The following CLDN10 variants were observed in gnomAD, a reference collection of about 807,000 sequenced individuals.
CLDN10 encodes the protein claudin 10.
A neutral mutation model predicts 22.9 loss-of-function variants in CLDN10; 15 were observed. The observed-to-expected ratio is 0.65, with a 90% CI of 0.44 to 1.01. The LOEUF (loss-of-function observed/expected upper bound fraction) is 1.01, where lower values mean the gene tolerates loss of function less well. Ranked by LOEUF, CLDN10 falls within the 50% of genes least tolerant of loss-of-function variation. The probability of loss-of-function intolerance (pLI) is 0.00; values close to 1 mark genes in which losing one functional copy is unlikely to be tolerated. For synonymous variants in CLDN10, 114 were observed against 111.4 expected (o/e 1.02, Z -0.15); for missense variants, 247 against 287.8 (o/e 0.86, Z 1.03).
intron 1 of CLDN10, among the ~76,000 whole-genome samples, chr13:95,469,104 T>C (rs1486535830): frequency 6.6e-6 from 1 of 151,698 alleles, no homozygotes; most frequent in East Asian, 1.9e-4. Context: ...TACAGTTTTT[T>C]GGTTTTGTTT....
At chr13:95,471,892 AG>A (rs1166409087) in intron 1 of CLDN10, among the ~76,000 whole-genome samples, 1 of 149,924 alleles carries the variant, frequency 6.7e-6, no homozygotes, top group Non-Finnish European at 1.5e-5. Flanking sequence ...TTCCCGCCTC[AG>A]CCTCCCAAGT....
intron 1 of CLDN10, among the ~76,000 whole-genome samples, chr13:95,462,289 CA>C (rs2042543263): frequency 6.6e-6 from 1 of 152,124 alleles, no homozygotes; most frequent in African/African-American, 2.4e-5. Context: ...CCTTTTTAAA[CA>C]TTGCCTTTCA....
chr13:95,576,792 C>T (rs1051353292), intron 3 of CLDN10, among the ~76,000 whole-genome samples: 7 of 152,176 alleles, frequency 4.6e-5, no homozygotes, highest in East Asian at 1.9e-4. Flanking sequence ...GCACATAGCA[C>T]GTGCTTAATA....
upstream of CLDN10, chr13:95,552,638 G>A: frequency 7.7e-7 from 1 of 1,291,272 alleles, no homozygotes; most frequent in Non-Finnish European, 1.0e-6. Flanking sequence ...TGGGCGGGGT[G>A]GTGGGCGGGG....
intron 1 of CLDN10, among the ~76,000 whole-genome samples, chr13:95,493,241 C>T (rs1056655965): frequency 2.6e-5 from 4 of 151,948 alleles, no homozygotes; most frequent in South Asian, 2.1e-4. Context: ...CCCACCCAGA[C>T]GGGTGCCCCT....
chr13:95,452,718 C>G (rs1027163280), intron 1 of CLDN10, among the ~76,000 whole-genome samples: 1 of 152,152 alleles, frequency 6.6e-6, no homozygotes, highest in Non-Finnish European at 1.5e-5. Context: ...TCGAGATAGC[C>G]TGGTACCATT....
At chr13:95,517,042 T>G (rs899632906) in intron 1 of CLDN10, among the ~76,000 whole-genome samples, 9 of 149,632 alleles carry the variant, frequency 6.0e-5, no homozygotes, top group African/African-American at 1.7e-4. Flanking sequence ...TCTCTCCCTT[T>G]TTTCTTTCTC....
At chr13:95,569,893 C>T (rs2043833334) in intron 3 of CLDN10, among the ~76,000 whole-genome samples, 2 of 152,058 alleles carry the variant, frequency 1.3e-5, no homozygotes, top group Non-Finnish European at 2.9e-5. Context: ...CTCAGTCTCC[C>T]AAGTAGCTGG....
At chr13:95,530,891 C>T (rs2043335304) in intron 1 of CLDN10, among the ~76,000 whole-genome samples, 1 of 151,582 alleles carries the variant, frequency 6.6e-6, no homozygotes, top group African/African-American at 2.4e-5. Flanking sequence ...GCCCTTCAAC[C>T]ATATTAGACT....
At chr13:95,438,975 C>CA (rs397851895) in intron 1 of CLDN10, among the ~76,000 whole-genome samples, 1,950 of 61,426 alleles carry the variant, frequency 0.032, 50 homozygotes, top group African/African-American at 0.048. Flanking sequence ...GACTCCATCG[C>CA]AAAAAAAAAA....
intron 1 of CLDN10, among the ~76,000 whole-genome samples, chr13:95,447,788 T>C (rs2042395101): frequency 6.6e-6 from 1 of 151,938 alleles, no homozygotes; most frequent in African/African-American, 2.4e-5. Context: ...CATTTTTTCA[T>C]CTGGAAAAAT....
intron 1 of CLDN10, among the ~76,000 whole-genome samples, chr13:95,531,164 C>T (rs1267622773): frequency 2.0e-5 from 3 of 152,014 alleles, no homozygotes; most frequent in Non-Finnish European, 4.4e-5. Context: ...ATGATCTGCC[C>T]GCCTCAGCCT....
chr13:95,492,824 A>G (rs980726029), intron 1 of CLDN10, among the ~76,000 whole-genome samples: 1 of 152,060 alleles, frequency 6.6e-6, no homozygotes, highest in East Asian at 1.9e-4. Flanking sequence ...TGGGGACCCA[A>G]CGAGCTCCCA....
intron 1 of CLDN10, 97 bp from the exon 2 acceptor site, chr13:95,560,035 T>C: frequency 8.4e-7 from 1 of 1,195,022 alleles, no homozygotes; most frequent in Non-Finnish European, 1.2e-6. Flanking sequence ...AGTTATCTTT[T>C]TGGAAAACAA....
intron 1 of CLDN10, among the ~76,000 whole-genome samples, chr13:95,517,286 A>G (rs1359122531): frequency 6.6e-5 from 10 of 152,052 alleles, no homozygotes; most frequent in African/African-American, 1.9e-4. Context: ...GGCGATACAG[A>G]CAAATAAGTC....
At chr13:95,445,481 C>T (rs756331710) in intron 1 of CLDN10, among the ~76,000 whole-genome samples, 1 of 152,162 alleles carries the variant, frequency 6.6e-6, no homozygotes, top group Non-Finnish European at 1.5e-5. Context: ...AGCAGGAATA[C>T]AAAGAAAGAT....
chr13:95,558,735 G>A (rs1229049080), intron 1 of CLDN10, among the ~76,000 whole-genome samples: 1 of 152,162 alleles, frequency 6.6e-6, no homozygotes. Context: ...AGACTAATCT[G>A]GGCATTACAG....
chr13:95,446,049 A>G (rs1282939565), intron 1 of CLDN10, among the ~76,000 whole-genome samples: 1 of 152,192 alleles, frequency 6.6e-6, no homozygotes, highest in Non-Finnish European at 1.5e-5. Flanking sequence ...GAAAAAAAAT[A>G]TATAGGGCAC....
At chr13:95,441,694 G>A (rs965465601) in intron 1 of CLDN10, among the ~76,000 whole-genome samples, 2 of 152,180 alleles carry the variant, frequency 1.3e-5, no homozygotes, top group Non-Finnish European at 2.9e-5. Flanking sequence ...TATTGAATCA[G>A]AATCTGCAAT....
Sources: allele counts gnomAD v4.1 joint callset (sites outside exome capture counted in the v4.1 genomes callset), GRCh38; gene constraint gnomAD v4.1.1; transcripts MANE v1.5; gene names NCBI Gene and HGNC (gene_info 2026-07-23, HGNC 2026-07-21).